DUT: variants seen among roughly 807,000 people sequenced by gnomAD.
DUT encodes the protein deoxyuridine 5'-triphosphate nucleotidohydrolase, mitochondrial.
A neutral mutation model predicts 28.8 loss-of-function variants in DUT; 21 were observed. The ratio of observed to expected loss-of-function variants is 0.73; its 90% CI spans 0.52 to 1.05. The LOEUF (loss-of-function observed/expected upper bound fraction) is 1.05. Among genes scored for constraint, DUT ranks in the 50% least tolerant of loss-of-function variants. The pLI is 0.00. For synonymous variants in DUT, 147 were observed against 143.7 expected, an observed-to-expected ratio of 1.02 and a Z score of -0.17; for missense variants, 344 against 351.8, an observed-to-expected ratio of 0.98 and a Z score of 0.18.
At position 48,335,980 on chromosome 15, in the gene DUT, C is replaced by T. The variant is rs1471473649; in HGVS notation, c.512-66C>T. 8 of 1,224,650 alleles carry T rather than the reference C, an allele frequency of 6.5e-6. No individual in the cohort carries two copies. In the East Asian group the frequency reaches 1.7e-4, roughly 26 times the overall value. 75.9% of individuals were successfully genotyped at this position (1,224,650 alleles called of 1,614,324 possible). A position where few individuals can be genotyped will look rare whatever the true frequency, so the allele number is the denominator to read the frequency against. On this transcript the variant is annotated intron_variant, in intron 3 of 6. Coordinates refer to ENST00000331200, the MANE Select transcript of DUT (RefSeq NM_001025248.2). ...TGAAGAGAATGACATGCTTAAATTG[C>T]ATCAGTTATCTCTGATATAGCCCTT...
chr15:48,331,406 G>A (rs538768711), upstream of DUT: 138 of 1,507,926 alleles, frequency 9.2e-5, no homozygotes, highest in African/African-American at 1.3e-4. Context: ...TCCGGCGGCG[G>A]CTGCGACTGC....
At position 48,331,526 on chromosome 15, in the gene DUT, TC is replaced by T; in HGVS notation, c.12del (p.Cys5AlafsTer59). The part of the protein sequence containing the change: MTP[L>X]CPRPALCYHF... ...CAAACTCTGGGGGAAATGACTCCCC[TC>T]TGCCCTCGCCCCGCGCTCTGCTACC... On this transcript the variant is annotated frameshift_variant, in exon 1 of 7. Coordinates refer to ENST00000331200, the MANE Select transcript of DUT (RefSeq NM_001025248.2). LOFTEE classifies it high-confidence loss of function. 6.2e-7 allele frequency: 1 copy of T among 1,611,820 alleles called. No individual in the cohort carries two copies. The highest frequency in any genetic ancestry group is 8.5e-7 in the Non-Finnish European group (1 of 1,179,514).
In DUT at chr15:48,331,615, G is replaced by A. The variant is rs28381099; in HGVS notation, c.100G>A (p.Glu34Lys). ...QNARGARQRA[E>K]AAVLSGPGPP... ...CGCGCGAGGCGCACGGCAGAGGGCC[G>A]AAGCCGCGGTACTCTCCGGGCCAGG... The change falls in exon 1 of 7, where the codon GAA (glutamate) becomes AAA (lysine). Residue 34 changes from glutamate to lysine, a missense_variant. Glu to Lys is a moderately conservative substitution (Grantham distance 56). Coordinates refer to ENST00000331200, the MANE Select transcript of DUT (RefSeq NM_001025248.2). The A allele has an allele frequency of 3.7e-3, 5,784 of 1,556,294 alleles. 15 individuals carry two copies. Among genetic ancestry groups the A allele is most frequent in the East Asian group, 0.016 (673 of 40,962 alleles).
At chr15:48,341,712 C>T (rs1055932911) in intron 6 of DUT, 127 bp downstream of exon 6, 51 of 796,166 alleles carry the variant, frequency 6.4e-5, no homozygotes, top group Non-Finnish European at 1.0e-4. Flanking sequence ...TTATTTTAAG[C>T]AAATTTAAAA....
At chr15:48,339,285 A>T (rs761381817) in intron 4 of DUT, among the ~76,000 whole-genome samples, 1 of 152,236 alleles carries the variant, frequency 6.6e-6, no homozygotes, top group Non-Finnish European at 1.5e-5. Flanking sequence ...AGAGAATATT[A>T]TAAGCTTTTA....
In DUT at chr15:48,331,541, C is replaced by T. The variant is rs1348730050; in HGVS notation, c.26C>T (p.Ala9Val). 3 of 1,611,422 alleles carry T rather than the reference C, an allele frequency of 1.9e-6. No individual in the cohort carries two copies. The highest frequency in any genetic ancestry group is 2.7e-5 in the African/African-American group (2 of 74,846). ...ATGACTCCCCTCTGCCCTCGCCCCG[C>T]GCTCTGCTACCATTTCCTTACGTCT... Reference protein sequence around the residue: MTPLCPRPALCYHFLTSLL... With the variant: MTPLCPRPVLCYHFLTSLL... Residue 9 changes from alanine (A) to valine (V), a missense_variant, in exon 1 of 7, where the codon GCG becomes GTG. Physicochemically the swap from Ala to Val is moderately conservative, Grantham distance 64. Transcript: ENST00000331200.
Position 48,342,133 on chromosome 15 carries a change from A to G in DUT, c.*55A>G. ...TCATACCTTTTTCTTAAAAAAAAAAAAAAAGTTTTTGCTTCAAGTGTTTTG... is the reference window on the plus strand; with the variant it reads ...TCATACCTTTTTCTTAAAAAAAAAAGAAAAGTTTTTGCTTCAAGTGTTTTG... On this transcript the variant is annotated 3_prime_UTR_variant, in exon 7 of 7. Coordinates refer to ENST00000331200, the MANE Select transcript of DUT (RefSeq NM_001025248.2). 1 of 1,390,768 alleles carries G rather than the reference A, an allele frequency of 7.2e-7. No individual in the cohort carries two copies. Among genetic ancestry groups the G allele is most frequent in the Non-Finnish European group, 9.6e-7 (1 of 1,042,670 alleles). 86.2% of individuals were successfully genotyped at this position (1,390,768 alleles called of 1,614,324 possible).
chr15:48,333,703 C>T (rs2042443653), intron 2 of DUT, among the ~76,000 whole-genome samples: 1 of 152,182 alleles, frequency 6.6e-6, no homozygotes, highest in Non-Finnish European at 1.5e-5. Flanking sequence ...TAGAGGAATT[C>T]TGTTCCTAAG....
intron 4 of DUT, among the ~76,000 whole-genome samples, chr15:48,337,914 A>G (rs2042491895): frequency 6.6e-6 from 1 of 152,212 alleles, no homozygotes; most frequent in Non-Finnish European, 1.5e-5. Context: ...CACATCTGGT[A>G]GGTGTGGATA....
At chr15:48,331,425 T>C, upstream of DUT, 1 of 1,554,994 alleles carries the variant, frequency 6.4e-7, no homozygotes, top group Non-Finnish European at 8.7e-7. Flanking sequence ...GCTTCCGAGG[T>C]CATGTTCCCA....
rs1265588483 is a variant in DUT at position 48,331,485 on chromosome 15, G to A, written c.-31G>A. 1.2e-6 allele frequency: 2 copies of A among 1,609,752 alleles called. No homozygotes were observed. Among genetic ancestry groups the A allele is most frequent in the Non-Finnish European group, 1.7e-6 (2 of 1,178,614 alleles). On this transcript the variant is annotated 5_prime_UTR_variant, in exon 1 of 7. Coordinates refer to ENST00000331200, the MANE Select transcript of DUT (RefSeq NM_001025248.2). ...AGCCTGGCGCACGTCCGGAGGTGCC[G>A]AGGACCCAACCAGCCCAAACTCTGG...
chr15:48,340,699 G>A (rs180849082), intron 4 of DUT, among the ~76,000 whole-genome samples: 16 of 152,260 alleles, frequency 1.1e-4, no homozygotes, highest in Non-Finnish European at 2.2e-4. Context: ...ACAGTCTTCT[G>A]AGAAACCATG....
At chr15:48,339,844 A>G (rs2042513512) in intron 4 of DUT, among the ~76,000 whole-genome samples, 2 of 152,202 alleles carry the variant, frequency 1.3e-5, no homozygotes, top group South Asian at 4.1e-4. Flanking sequence ...TTCATAAAGC[A>G]CAGGGGTTCA....
At chr15:48,337,722 TA>T (rs1431295588) in intron 4 of DUT, among the ~76,000 whole-genome samples, 7 of 152,230 alleles carry the variant, frequency 4.6e-5, no homozygotes, top group Non-Finnish European at 8.8e-5. Flanking sequence ...GGTATGGTGT[TA>T]TTCATAAAAT....
chr15:48,331,795 G>T lies in DUT; in HGVS notation c.280G>T (p.Glu94Ter). Residue 94 changes from glutamate to a stop codon, truncating the protein, a stop_gained and splice_region_variant, in exon 1 of 7, where the codon GAG (glutamate) becomes TAG (stop). Coordinates refer to ENST00000331200, the MANE Select transcript of DUT (RefSeq NM_001025248.2). LOFTEE classifies it high-confidence loss of function. The part of the protein sequence containing the change: ...KAGGSPAPGP[E>*]TPAISPSKRA... ...GGGGGGAAGCCCGGCGCCGGGGCCG[G>T]GTAGGAAAGGCGGGGGAGGGGCTCC... is the stretch of plus-strand genomic sequence containing the variant. 1 of 1,371,094 alleles carries T rather than the reference G, an allele frequency of 7.3e-7. No individual in the cohort carries two copies. Among genetic ancestry groups the T allele is most frequent in the Non-Finnish European group, 9.4e-7 (1 of 1,068,350 alleles). The allele number at this position is 1,371,094 out of a possible 1,614,324, so 84.9% of individuals were successfully genotyped here.
At position 48,331,508 on chromosome 15, in the gene DUT, T is replaced by A. The variant is rs773075199; in HGVS notation, c.-8T>A. 3 of 1,611,386 alleles carry A rather than the reference T, an allele frequency of 1.9e-6. No individual in the cohort carries two copies. Among genetic ancestry groups the A allele is most frequent in the African/African-American group, 2.7e-5 (2 of 74,754 alleles). On this transcript the variant is annotated 5_prime_UTR_variant, in exon 1 of 7. Transcript: ENST00000331200. ...CCGAGGACCCAACCAGCCCAAACTC[T>A]GGGGGAAATGACTCCCCTCTGCCCT...
intron 4 of DUT, among the ~76,000 whole-genome samples, chr15:48,338,801 G>C (rs986809439): frequency 6.6e-6 from 1 of 152,206 alleles, no homozygotes; most frequent in African/African-American, 2.4e-5. Flanking sequence ...AAATGTAAAA[G>C]CAGCCTGTGT....
rs1045894173 is a variant in DUT at position 48,342,265 on chromosome 15, G to A, written c.*187G>A. On this transcript the variant is annotated 3_prime_UTR_variant, in exon 7 of 7. Coordinates refer to ENST00000331200, the MANE Select transcript of DUT (RefSeq NM_001025248.2). ...GATCATTAAAAAAAAACACAAAGAA[G>A]TTTTTCTTTGTGTTTGGATCAAAAA... 1 of 361,946 alleles carries A rather than the reference G, an allele frequency of 2.8e-6. No individual in the cohort carries two copies. The highest frequency in any genetic ancestry group is 4.9e-6 in the Non-Finnish European group (1 of 203,568). The allele number at this position is 361,946 out of a possible 1,614,324, so 22.4% of individuals were successfully genotyped here.
intron 2 of DUT, among the ~76,000 whole-genome samples, chr15:48,334,013 T>G: frequency 6.6e-6 from 1 of 152,210 alleles, no homozygotes; most frequent in East Asian, 1.9e-4. Context: ...TTTTTCTTTG[T>G]TCTTTCTTCA....
Sources: allele counts gnomAD v4.1 joint callset (sites outside exome capture counted in the v4.1 genomes callset), GRCh38; gene constraint gnomAD v4.1.1; transcripts MANE v1.5; gene names NCBI Gene and HGNC (gene_info 2026-07-23, HGNC 2026-07-21).